The following C9orf85 variants were observed in gnomAD, a reference collection of about 807,000 sequenced individuals.
C9orf85 encodes chromosome 9 open reading frame 85.
A neutral mutation model predicts 14.9 loss-of-function variants in C9orf85; 16 were observed. The ratio of observed to expected loss-of-function variants is 1.08; its 90% CI spans 0.73 to 1.63. C9orf85 has a LOEUF of 1.63. Ranked by LOEUF, C9orf85 falls within the 40% of genes most tolerant of loss-of-function variation. The probability of loss-of-function intolerance (pLI) is 0.00; values close to 1 mark genes in which losing one functional copy is unlikely to be tolerated. For missense variants in C9orf85, 172 were observed against 186.1 expected, an observed-to-expected ratio of 0.92 and a Z score of 0.44; for synonymous variants, 45 against 56.8, an observed-to-expected ratio of 0.79 and a Z score of 0.93.
chr9:71,951,607 G>T (rs1298333575), intron 2 of C9orf85, among the ~76,000 whole-genome samples: 1 of 152,130 alleles, frequency 6.6e-6, no homozygotes, highest in Non-Finnish European at 1.5e-5. Context: ...CATAAGCATT[G>T]TTAGACTTGA....
At chr9:71,975,788 C>T (rs572340357), downstream of C9orf85, among the ~76,000 whole-genome samples, 2 of 152,298 alleles carry the variant, frequency 1.3e-5, no homozygotes, top group South Asian at 2.1e-4. Context: ...GCCAAGATAG[C>T]GCTATTGCAC....
intron 1 of C9orf85, among the ~76,000 whole-genome samples, chr9:71,930,940 G>A (rs1589251050): frequency 6.6e-6 from 1 of 152,154 alleles, no homozygotes; most frequent in East Asian, 1.9e-4. Flanking sequence ...TTATAACTAA[G>A]GCAGAGGTAA....
intron 2 of C9orf85, among the ~76,000 whole-genome samples, chr9:71,963,585 C>CCAGCTGGAGTTCCGGGT (rs1822588523): frequency 6.6e-6 from 1 of 152,192 alleles, no homozygotes; most frequent in African/African-American, 2.4e-5. Context: ...CGCTTGCGGG[C>CCAGCTGGAGTTCCGGGT]CAGCTGGAGT....
chr9:71,980,042 C>T (rs1236438403), intron 3 of C9orf85, among the ~76,000 whole-genome samples: 16 of 132,614 alleles, frequency 1.2e-4, no homozygotes, highest in African/African-American at 4.0e-4. Flanking sequence ...GAGATGGAGT[C>T]TCACTCTGTC....
intron 3 of C9orf85, 103 bp from the exon 4 acceptor site, chr9:71,972,589 G>A: frequency 1.2e-6 from 1 of 814,114 alleles, no homozygotes; most frequent in Non-Finnish European, 1.8e-6. Flanking sequence ...ACTTCATTAG[G>A]TTTCTGTTAT....
chr9:71,940,319 A>G (rs773710012), intron 1 of C9orf85, among the ~76,000 whole-genome samples: 11 of 152,186 alleles, frequency 7.2e-5, no homozygotes, highest in Non-Finnish European at 1.5e-4. Context: ...ATGCAATCCC[A>G]ACTACATGGG....
At chr9:71,930,602 C>T (rs1828046437) in intron 1 of C9orf85, among the ~76,000 whole-genome samples, 1 of 150,666 alleles carries the variant, frequency 6.6e-6, no homozygotes, top group African/African-American at 2.4e-5. Flanking sequence ...TGGAGGCCAG[C>T]CTGGGCAACA....
At chr9:71,930,568 G>C (rs942610331) in intron 1 of C9orf85, among the ~76,000 whole-genome samples, 2 of 151,628 alleles carry the variant, frequency 1.3e-5, no homozygotes, top group Non-Finnish European at 2.9e-5. Context: ...ACTGAGGTGG[G>C]AGGATTGCTT....
At chr9:71,979,388 T>C (rs911214227) in intron 3 of C9orf85, among the ~76,000 whole-genome samples, 3 of 152,248 alleles carry the variant, frequency 2.0e-5, no homozygotes, top group African/African-American at 4.8e-5. Context: ...TCATGATGTT[T>C]ATAAATATTA....
chr9:71,941,236 G>A (rs2132295754), intron 1 of C9orf85, among the ~76,000 whole-genome samples: 1 of 152,324 alleles, frequency 6.6e-6, no homozygotes, highest in Middle Eastern at 3.4e-3. Context: ...GATCATGAGT[G>A]GATGCCAAAA....
At chr9:71,912,982 TA>T (rs1827553863) in intron 1 of C9orf85, among the ~76,000 whole-genome samples, 1 of 152,156 alleles carries the variant, frequency 6.6e-6, no homozygotes, top group African/African-American at 2.4e-5. Flanking sequence ...AGGGGCATAT[TA>T]GGGGCCAGCA....
chr9:71,970,699 T>G (rs2132358749), intron 2 of C9orf85, among the ~76,000 whole-genome samples: 1 of 152,330 alleles, frequency 6.6e-6, no homozygotes, highest in Admixed American at 6.5e-5. Flanking sequence ...CTAGAATTTC[T>G]GTATGAACTT....
In C9orf85 at chr9:71,964,086, G is replaced by A. The variant is rs1822611265; in HGVS notation, c.210-7419G>A. ...ATCAGCACCCTGTGTCTAGCTCAGG[G>A]TTTGTGAATGCACCAATCGACACTG... On this transcript the variant is annotated intron_variant, in intron 2 of 3. Coordinates refer to ENST00000334731, the MANE Select transcript of C9orf85 (RefSeq NM_182505.5). 2.6e-5 allele frequency among the ~76,000 whole-genome samples: 4 copies of A among 152,242 alleles called. No individual in the cohort carries two copies. In the South Asian group the frequency reaches 8.3e-4, roughly 32 times the overall value.
intron 1 of C9orf85, among the ~76,000 whole-genome samples, chr9:71,916,261 C>A (rs1176970743): frequency 6.6e-6 from 1 of 152,138 alleles, no homozygotes; most frequent in African/African-American, 2.4e-5. Context: ...GAGCATCTGT[C>A]ATCCTTTTGA....
intron 3 of C9orf85, among the ~76,000 whole-genome samples, chr9:71,979,151 TA>T (rs1262367194): frequency 1.3e-5 from 2 of 152,230 alleles, no homozygotes; most frequent in African/African-American, 4.8e-5. Context: ...ATCCATGCCT[TA>T]AAATGAAACA....
intron 1 of C9orf85, among the ~76,000 whole-genome samples, chr9:71,912,952 G>C (rs991060783): frequency 6.6e-6 from 1 of 152,112 alleles, no homozygotes; most frequent in Non-Finnish European, 1.5e-5. Flanking sequence ...TAGCTGTATG[G>C]AGAGAAAATC....
At chr9:71,922,075 G>C (rs1395986524) in intron 1 of C9orf85, among the ~76,000 whole-genome samples, 1 of 151,992 alleles carries the variant, frequency 6.6e-6, no homozygotes, top group Admixed American at 6.6e-5. Flanking sequence ...CGAGTAGCTA[G>C]GATTACAGTC....
intron 2 of C9orf85, among the ~76,000 whole-genome samples, chr9:71,964,585 C>T (rs1822635298): frequency 6.6e-6 from 1 of 152,000 alleles, no homozygotes; most frequent in Admixed American, 6.6e-5. Context: ...GACCACGAAC[C>T]CACCAGAAGG....
chr9:71,955,415 T>C (rs367609716), intron 2 of C9orf85, among the ~76,000 whole-genome samples: 8 of 152,132 alleles, frequency 5.3e-5, no homozygotes, highest in African/African-American at 1.9e-4. Context: ...AGGGCTGCCA[T>C]GTGCTTCAAT....
Sources: allele counts gnomAD v4.1 joint callset (sites outside exome capture counted in the v4.1 genomes callset), GRCh38; gene constraint gnomAD v4.1.1; transcripts MANE v1.5; gene names NCBI Gene and HGNC (gene_info 2026-07-23, HGNC 2026-07-21).